ELP4: variants seen among roughly 807,000 people sequenced by gnomAD.
ELP4 encodes elongator complex protein 4.
Under a neutral mutation model 48.9 loss-of-function variants are expected in ELP4, and 51 were observed. The ratio of observed to expected loss-of-function variants is 1.04; its 90% CI spans 0.83 to 1.32. ELP4 has a LOEUF of 1.32. Among genes scored for constraint, ELP4 ranks in the 40% most tolerant of loss-of-function variants. ELP4 has a pLI of 0.00. For missense variants in ELP4, 519 were observed against 514.6 expected, an observed-to-expected ratio of 1.01 and a Z score of -0.08; for synonymous variants, 210 against 189.2, an observed-to-expected ratio of 1.11 and a Z score of -0.90.
intron 3 of ELP4, among the ~76,000 whole-genome samples, chr11:31,586,003 T>A (rs998303953): frequency 6.6e-6 from 1 of 152,210 alleles, no homozygotes; most frequent in African/African-American, 2.4e-5. Context: ...GAGGATCACT[T>A]GAGCCCAGGA....
chr11:31,681,634 T>C (rs16922393), intron 9 of ELP4, among the ~76,000 whole-genome samples: 4,311 of 152,044 alleles, frequency 0.028, 203 homozygotes, highest in African/African-American at 0.099. Flanking sequence ...ACGTTTTTGA[T>C]GATCTGGAAG....
intron 4 of ELP4, chr11:31,599,093 G>T (rs1957732590): frequency 6.6e-6 from 1 of 152,124 alleles, no homozygotes; most frequent in Non-Finnish European, 1.5e-5. Flanking sequence ...CTCAATGAGA[G>T]AAAGGGACTT....
intron 9 of ELP4, among the ~76,000 whole-genome samples, chr11:31,679,307 T>C (rs1946007052): frequency 6.6e-6 from 1 of 152,228 alleles, no homozygotes; most frequent in Non-Finnish European, 1.5e-5. Context: ...GGTAGCTTTA[T>C]ATTATATCTT....
At chr11:31,573,755 C>T (rs996117819) in intron 3 of ELP4, 2 of 151,838 alleles carry the variant, frequency 1.3e-5, no homozygotes, top group African/African-American at 4.8e-5. Flanking sequence ...AGGACACAAA[C>T]ATTGAGTATT....
intron 3 of ELP4, among the ~76,000 whole-genome samples, chr11:31,548,698 A>G (rs1337406406): frequency 6.6e-6 from 1 of 152,186 alleles, no homozygotes; most frequent in Non-Finnish European, 1.5e-5. Flanking sequence ...AGCCAAAAGA[A>G]CAAAGCTGGA....
rs549868552 is a variant in ELP4 at position 31,632,461 on chromosome 11, G to A, written c.927+56G>A. ...ATTCATAGTAATATAGTATGACATT[G>A]TGGTTTTAGTTTGCATTTCCATGAT... is the stretch of plus-strand genomic sequence containing the variant. On this transcript the variant is annotated intron_variant, in intron 7 of 9. Coordinates refer to ENST00000640961, the MANE Select transcript of ELP4 (RefSeq NM_019040.5). 5.7e-6 allele frequency: 8 copies of A among 1,404,908 alleles called. No homozygotes were observed. The South Asian group carries it at 1.1e-4, about 19-fold the overall frequency. The allele number at this position is 1,404,908 out of a possible 1,614,324, so 87.0% of individuals were successfully genotyped here.
intron 9 of ELP4, among the ~76,000 whole-genome samples, chr11:31,705,176 T>TG (rs1197106133): frequency 6.6e-6 from 1 of 152,116 alleles, no homozygotes; most frequent in Non-Finnish European, 1.5e-5. Flanking sequence ...GACTGGGAAG[T>TG]CCAAGAGCAT....
Position 31,650,035 on chromosome 11 carries a change from A to G in ELP4, c.1037-80A>G, listed in dbSNP as rs1945287596. ...GGATGCTTGTGTGTAAATTTACAGGATTCTGCTATAAGACTGTTTAATTTA... is the reference window on the plus strand; with the variant it reads ...GGATGCTTGTGTGTAAATTTACAGGGTTCTGCTATAAGACTGTTTAATTTA... On this transcript the variant is annotated intron_variant, in intron 8 of 9. Coordinates refer to ENST00000640961, the MANE Select transcript of ELP4 (RefSeq NM_019040.5). 6 of 568,864 alleles carry G rather than the reference A, an allele frequency of 1.1e-5. No individual in the cohort carries two copies. The East Asian group carries it at 1.5e-4, about 14-fold the overall frequency. 35.2% of individuals were successfully genotyped at this position (568,864 alleles called of 1,614,324 possible). A position where few individuals can be genotyped will look rare whatever the true frequency, so the allele number is the denominator to read the frequency against.
chr11:31,578,140 A>G (rs1957319091), intron 3 of ELP4, among the ~76,000 whole-genome samples: 1 of 152,182 alleles, frequency 6.6e-6, no homozygotes, highest in African/African-American at 2.4e-5. Flanking sequence ...AAGCATTCCT[A>G]TACACCATTA....
At chr11:31,564,836 C>A (rs980810978) in intron 3 of ELP4, among the ~76,000 whole-genome samples, 1 of 151,874 alleles carries the variant, frequency 6.6e-6, no homozygotes, top group African/African-American at 2.4e-5. Flanking sequence ...CCACAATAAA[C>A]ATGTGTGCCT....
At chr11:31,515,104 A>G (rs1020981757) in intron 1 of ELP4, among the ~76,000 whole-genome samples, 1 of 150,456 alleles carries the variant, frequency 6.6e-6, no homozygotes, top group Non-Finnish European at 1.5e-5. Context: ...TAAAAGCTTG[A>G]TTTTTAAAAG....
At chr11:31,624,433 T>C (rs1034695796) in intron 5 of ELP4, among the ~76,000 whole-genome samples, 3 of 151,514 alleles carry the variant, frequency 2.0e-5, no homozygotes, top group African/African-American at 7.3e-5. Context: ...TAAATAATAG[T>C]CTAAAAGATA....
chr11:31,605,256 A>G (rs959761498), intron 5 of ELP4, among the ~76,000 whole-genome samples: 1 of 152,050 alleles, frequency 6.6e-6, no homozygotes, highest in Non-Finnish European at 1.5e-5. Context: ...AATCAGTGAA[A>G]ATCAATATCT....
intron 9 of ELP4, among the ~76,000 whole-genome samples, chr11:31,677,546 G>A (rs1279087008): frequency 6.6e-6 from 1 of 151,994 alleles, no homozygotes; most frequent in East Asian, 1.9e-4. Context: ...ATATTATGTA[G>A]TACATTGAAA....
intron 9 of ELP4, among the ~76,000 whole-genome samples, chr11:31,659,205 AT>A (rs1945503018): frequency 6.6e-6 from 1 of 152,100 alleles, no homozygotes; most frequent in South Asian, 2.1e-4. Flanking sequence ...TTAAGTAGAA[AT>A]TAAAAATTTG....
At chr11:31,704,868 G>A (rs899121339) in intron 9 of ELP4, among the ~76,000 whole-genome samples, 12 of 151,646 alleles carry the variant, frequency 7.9e-5, no homozygotes, top group African/African-American at 2.4e-4. Context: ...AAAGTTAGCC[G>A]GGCATGGTGG....
intron 2 of ELP4, among the ~76,000 whole-genome samples, chr11:31,525,641 C>A (rs1181086943): frequency 1.3e-5 from 2 of 152,026 alleles, no homozygotes; most frequent in Non-Finnish European, 2.9e-5. Context: ...GTAAGTTTGG[C>A]CTTCTTCCCC....
chr11:31,723,338 G>A (rs1485155186), intron 9 of ELP4, among the ~76,000 whole-genome samples: 9 of 143,554 alleles, frequency 6.3e-5, no homozygotes, highest in South Asian at 2.3e-4. Context: ...CACCACCCCC[G>A]CCCCCCGCCA....
At chr11:31,546,809 C>G (rs1391328179) in intron 3 of ELP4, among the ~76,000 whole-genome samples, 1 of 152,070 alleles carries the variant, frequency 6.6e-6, no homozygotes, top group Non-Finnish European at 1.5e-5. Context: ...TGCAATCAAA[C>G]TAGAACTCAG....
Sources: gnomAD v4.1 joint callset for allele counts (sites outside exome capture counted in the v4.1 genomes callset) on GRCh38, gnomAD v4.1.1 for gene constraint, MANE v1.5 for transcripts, NCBI Gene and HGNC (gene_info 2026-07-23, HGNC 2026-07-21) for gene names.